The following PHLDB3 variants were observed in gnomAD, a reference collection of about 807,000 sequenced individuals.
The protein encoded by PHLDB3 is pleckstrin homology-like domain family B member 3.
A neutral mutation model predicts 85.7 loss-of-function variants in PHLDB3; 86 were observed. The ratio of observed to expected loss-of-function variants is 1.00; its 90% CI spans 0.84 to 1.20. The LOEUF is 1.20. Among genes scored for constraint, PHLDB3 ranks in the 50% most tolerant of loss-of-function variants. PHLDB3 has a pLI of 0.00. For synonymous variants in PHLDB3, 376 were observed against 349.8 expected (o/e 1.07, Z -0.83); for missense variants, 995 against 873.0 (o/e 1.14, Z -1.76).
In PHLDB3 at chr19:43,502,184, G is replaced by A. The variant is rs941937182; in HGVS notation, c.313C>T (p.Gln105Ter). 1 of 1,577,784 alleles carries A rather than the reference G, an allele frequency of 6.3e-7. No individual in the cohort carries two copies. The highest frequency in any genetic ancestry group is 8.6e-7 in the Non-Finnish European group (1 of 1,162,276). ...GCCACACGAGTCAATGCCTCCAGCT[G>A]CTGTCCTTGCAGGCGCCGCGCCGCC... ...RGAARRLQGQ[Q>*]LEALTRVALM... Residue 105 changes from glutamine to a stop codon, truncating the protein, a stop_gained, in exon 3 of 16, where the codon CAG (glutamine) becomes TAG (stop). Coordinates refer to ENST00000292140, the MANE Select transcript of PHLDB3 (RefSeq NM_198850.4). LOFTEE classifies it high-confidence loss of function.
rs1971680707 is a variant in PHLDB3, at chr19:43,503,907, G to A, written c.212C>T (p.Ala71Val). 1 of 1,613,574 alleles carries A rather than the reference G, an allele frequency of 6.2e-7. No individual in the cohort carries two copies. The highest frequency in any genetic ancestry group is 1.3e-5 in the African/African-American group (1 of 74,906). Residue 71 changes from alanine to valine, a missense_variant and splice_region_variant, in exon 2 of 16, where the codon GCG becomes GTG. Transcript: ENST00000292140. ...EGSSTESSRDAPEATPPIAMA... is the reference protein window; with the variant it reads ...EGSSTESSRDVPEATPPIAMA... ...CGCTGTCGCCCTCGGGCCCCTCACC[G>A]CGTCGCGGCTGCTCTCAGTGCTGCT...
intron 13 of PHLDB3, among the ~76,000 whole-genome samples, chr19:43,483,757 A>G (rs145269803): frequency 2.2e-4 from 33 of 152,348 alleles, no homozygotes; most frequent in African/African-American, 7.2e-4. Context: ...CAGAACTGTT[A>G]GAGATTAAAA....
At chr19:43,502,786 G>A (rs140861145) in intron 2 of PHLDB3, among the ~76,000 whole-genome samples, 2 of 152,106 alleles carry the variant, frequency 1.3e-5, no homozygotes, top group Non-Finnish European at 2.9e-5. Context: ...TCGGAGTGGG[G>A]GAGGGTGCAA....
intron 15 of PHLDB3, among the ~76,000 whole-genome samples, chr19:43,476,684 TAAGGCTA>T (rs1970935549): frequency 6.6e-6 from 1 of 151,596 alleles, no homozygotes; most frequent in Non-Finnish European, 1.5e-5. Flanking sequence ...CAAAGAAAAC[TAAGGCTA>T]AAGGCTAAAG....
chr19:43,504,212 G>A (rs1158090956), intron 1 of PHLDB3, 80 bp from the exon 2 acceptor site: 1 of 1,284,538 alleles, frequency 7.8e-7, no homozygotes, highest in Non-Finnish European at 1.0e-6. Flanking sequence ...TCCGGGGCGC[G>A]GAGACCCCCC....
intron 2 of PHLDB3, among the ~76,000 whole-genome samples, chr19:43,503,034 G>A (rs181609935): frequency 3.3e-5 from 5 of 151,622 alleles, no homozygotes; most frequent in East Asian, 1.9e-4. Context: ...TTTCTTCCTC[G>A]GAGTATGTCC....
chr19:43,503,668 C>G (rs1299016900), intron 2 of PHLDB3, among the ~76,000 whole-genome samples: 2 of 152,090 alleles, frequency 1.3e-5, no homozygotes, highest in Non-Finnish European at 2.9e-5. Flanking sequence ...TTGGGGCCTC[C>G]CCGTGGCTCT....
chr19:43,491,959 G>T (rs12983145), intron 9 of PHLDB3, among the ~76,000 whole-genome samples: 4,281 of 61,892 alleles, frequency 0.069, 277 homozygotes, highest in African/African-American at 0.18. Context: ...TTTTTTTTTT[G>T]TTTTTTTTTT....
In PHLDB3 at chr19:43,501,725, C is replaced by G; in HGVS notation, c.534+9G>C. On this transcript the variant is annotated intron_variant, in intron 4 of 15. Transcript: ENST00000292140. ...CACTGCTGATGAAGACCCGGTGAGC[C>G]AAACAGACCTGTTCCCGCTGCTGGC... is the stretch of plus-strand genomic sequence containing the variant. 9.5e-7 allele frequency: 1 copy of G among 1,053,548 alleles called. No individual in the cohort carries two copies. Among genetic ancestry groups the G allele is most frequent in the Non-Finnish European group, 1.3e-6 (1 of 757,718 alleles). The allele number at this position is 1,053,548 out of a possible 1,614,324, so 65.3% of individuals were successfully genotyped here.
At chr19:43,490,510 A>C (rs1971289404) in intron 9 of PHLDB3, among the ~76,000 whole-genome samples, 1 of 152,116 alleles carries the variant, frequency 6.6e-6, no homozygotes, top group Non-Finnish European at 1.5e-5. Context: ...CCAAGATCGC[A>C]CCATTACACT....
chr19:43,504,317 G>A (rs1167153472), intron 1 of PHLDB3, 185 bp from the exon 2 acceptor site: 2 of 620,550 alleles, frequency 3.2e-6, no homozygotes, highest in Non-Finnish European at 5.5e-6. Flanking sequence ...ATGGCTCCAA[G>A]GCGACACGCC....
intron 9 of PHLDB3, among the ~76,000 whole-genome samples, chr19:43,490,579 A>T (rs543886980): frequency 4.6e-5 from 7 of 152,236 alleles, no homozygotes; most frequent in African/African-American, 9.6e-5. Context: ...TAAAAAAAAT[A>T]AAAACTCTGG....
intron 3 of PHLDB3, 43 bp from the exon 4 acceptor site, chr19:43,501,914 C>A: frequency 6.5e-7 from 1 of 1,542,886 alleles, no homozygotes. Flanking sequence ...ACGCCTAGGT[C>A]CAAGGAAGAG....
At chr19:43,502,000 G>A (rs1971614877) in intron 3 of PHLDB3, 101 bp downstream of exon 3, 2 of 1,490,340 alleles carry the variant, frequency 1.3e-6, no homozygotes, top group East Asian at 2.5e-5. Flanking sequence ...GAAGAGCGGA[G>A]GGCCTAAAAT....
Position 43,504,035 on chromosome 19 carries a change from A to G in PHLDB3, c.84T>C (p.His28=). 6.2e-7 allele frequency: 1 copy of G among 1,613,796 alleles called. No individual in the cohort carries two copies. The highest frequency in any genetic ancestry group is 8.5e-7 in the Non-Finnish European group (1 of 1,179,794). Residue 28 remains histidine (H), a synonymous_variant, in exon 2 of 16, where the codon CAT becomes CAC. Coordinates refer to ENST00000292140, the MANE Select transcript of PHLDB3 (RefSeq NM_198850.4). Reference sequence around the variant, plus strand: ...CCTCCTGTTCCCGGGACTCCTCGGGATGGCCCTGGGGCTGGACCTCCACGT... The same window carrying G: ...CCTCCTGTTCCCGGGACTCCTCGGGGTGGCCCTGGGGCTGGACCTCCACGT... ...ECDVEVQPQG[H]PEESREQEAS... is the part of the protein sequence containing the mutation.
In PHLDB3 at chr19:43,497,771, G is replaced by A. The variant is rs202030586; in HGVS notation, c.640C>T (p.Arg214Trp). ...LDSQPEDQRE[R>W]LLQGVQEMRE... ...ACCTCCTGCACACCCTGCAGAAGCC[G>A]CTCGCGTTGGTCCTCTGGCTGTGAG... The change falls in exon 5 of 16, where the codon CGG (arginine) becomes TGG (tryptophan). Residue 214 changes from arginine to tryptophan, a missense_variant. Transcript: ENST00000292140. 3.4e-5 allele frequency: 53 copies of A among 1,552,760 alleles called. No homozygotes were observed. The East Asian group carries it at 4.1e-4, about 12-fold the overall frequency.
At chr19:43,476,317 G>A (rs769317077) in intron 15 of PHLDB3, among the ~76,000 whole-genome samples, 19 of 152,076 alleles carry the variant, frequency 1.2e-4, no homozygotes, top group Non-Finnish European at 2.6e-4. Context: ...AACCCTGATG[G>A]AATGGGTTGA....
At chr19:43,490,472 G>C (rs1357126845) in intron 9 of PHLDB3, among the ~76,000 whole-genome samples, 2 of 152,080 alleles carry the variant, frequency 1.3e-5, no homozygotes, top group Non-Finnish European at 2.9e-5. Context: ...AGAATCGCTT[G>C]AGTCTGGGAG....
chr19:43,501,707 G>C (rs1003141665), intron 4 of PHLDB3, 27 bp downstream of exon 4: 1 of 1,575,126 alleles, frequency 6.3e-7, no homozygotes, highest in Non-Finnish European at 8.6e-7. Context: ...GGACACTGCT[G>C]ATGAAGACCC....
Sources: gnomAD v4.1 joint callset for allele counts (sites outside exome capture counted in the v4.1 genomes callset) on GRCh38, gnomAD v4.1.1 for gene constraint, MANE v1.5 for transcripts, NCBI Gene and HGNC (gene_info 2026-07-23, HGNC 2026-07-21) for gene names.